The following IFT122 variants were observed in gnomAD, a reference collection of about 807,000 sequenced individuals.
IFT122 encodes intraflagellar transport 122, also known as intraflagellar transport protein 122 homolog.
Under a neutral mutation model 161.6 loss-of-function variants are expected in IFT122, and 118 were observed. The ratio of observed to expected loss-of-function variants is 0.73; its 90% CI spans 0.63 to 0.85. The LOEUF (loss-of-function observed/expected upper bound fraction) is 0.85, where lower values mean the gene tolerates loss of function less well. Ranked by LOEUF, IFT122 falls within the 40% of genes least tolerant of loss-of-function variation. IFT122 has a pLI of 0.00. For missense variants in IFT122, 1,381 were observed against 1,579.6 expected (o/e 0.87, Z 2.13); for synonymous variants, 550 against 602.4 (o/e 0.91, Z 1.27).
At chr3:129,508,823 T>G (rs1045163267) in intron 23 of IFT122, among the ~76,000 whole-genome samples, 2 of 152,168 alleles carry the variant, frequency 1.3e-5, no homozygotes, top group Non-Finnish European at 2.9e-5. Context: ...AGGCAAAATT[T>G]TGAAGTATTG....
chr3:129,463,736 AG>A (rs2076421454), intron 6 of IFT122, 110 bp downstream of exon 6: 3 of 852,412 alleles, frequency 3.5e-6, no homozygotes, highest in Non-Finnish European at 5.9e-6. Flanking sequence ...TAGTTGGTTT[AG>A]GCCCCTGTAT....
rs1164644771 is a variant in IFT122, at chr3:129,504,956, CG to C, written c.2650+538del. ...AGCTTCTATTTCTGGCTCAGATAAA[CG>C]GGTGACTTCTGCTCCTCAAGAATTC... On this transcript the variant is annotated intron_variant, in intron 21 of 29. Coordinates refer to ENST00000348417, the MANE Select transcript of IFT122 (RefSeq NM_052989.3). Among the ~76,000 whole-genome samples, 55 of 152,144 alleles carry C rather than the reference CG, an allele frequency of 3.6e-4. 1 individual carries two copies. Among genetic ancestry groups the C allele is most frequent in the Admixed American group, 3.6e-3 (55 of 15,284 alleles).
At chr3:129,511,655 C>G (rs529551394) in intron 23 of IFT122, among the ~76,000 whole-genome samples, 1 of 152,366 alleles carries the variant, frequency 6.6e-6, no homozygotes, top group Admixed American at 6.5e-5. Context: ...CTGGCAGCCT[C>G]TAGGTACGAA....
At chr3:129,476,220 C>G in intron 9 of IFT122, 95 bp from the exon 10 acceptor site, 11 of 1,348,216 alleles carry the variant, frequency 8.2e-6, no homozygotes, top group Non-Finnish European at 1.1e-5. Context: ...CTTCCCAACT[C>G]CCTCTAAAGT....
chr3:129,469,214 C>T, intron 8 of IFT122, 128 bp from the exon 9 acceptor site: 2 of 801,488 alleles, frequency 2.5e-6, no homozygotes, highest in South Asian at 1.4e-5. Context: ...CTTTTGGCTT[C>T]AGTAAAGCTG....
chr3:129,450,682 G>T (rs890966657), intron 2 of IFT122, among the ~76,000 whole-genome samples: 3 of 147,708 alleles, frequency 2.0e-5, no homozygotes. Context: ...GAAAGTTTCC[G>T]CTTGATTTCT....
At chr3:129,516,529 A>ATG (rs1405751763) in intron 26 of IFT122, among the ~76,000 whole-genome samples, 1 of 140,380 alleles carries the variant, frequency 7.1e-6, no homozygotes, top group Non-Finnish European at 1.5e-5. Context: ...GTGCACACAC[A>ATG]GAGACTGCCC....
chr3:129,475,804 A>AC (rs2108269938), intron 9 of IFT122, among the ~76,000 whole-genome samples: 1 of 152,326 alleles, frequency 6.6e-6, no homozygotes, highest in East Asian at 1.9e-4. Flanking sequence ...ACAGAGTGAG[A>AC]CCCCATCTTG....
intron 3 of IFT122, chr3:129,457,893 G>C: frequency 6.1e-6 from 1 of 163,396 alleles, no homozygotes; most frequent in Non-Finnish European, 1.4e-5. Flanking sequence ...CCGTCACCAG[G>C]CCGGCTAATT....
At chr3:129,485,529 C>T (rs1183375925) in intron 15 of IFT122, among the ~76,000 whole-genome samples, 1 of 152,242 alleles carries the variant, frequency 6.6e-6, no homozygotes, top group African/African-American at 2.4e-5. Flanking sequence ...GCACGAACAG[C>T]TTCTCCTGGA....
intron 3 of IFT122, among the ~76,000 whole-genome samples, chr3:129,455,635 C>T (rs1348894128): frequency 1.3e-5 from 2 of 151,808 alleles, no homozygotes; most frequent in African/African-American, 2.4e-5. Flanking sequence ...TTAGGGGTGC[C>T]ACTGCCTGTG....
At chr3:129,516,820 ACACACACAGAGACTGCCCCTG>A (rs2083845940) in intron 26 of IFT122, among the ~76,000 whole-genome samples, 1 of 139,958 alleles carries the variant, frequency 7.1e-6, no homozygotes, top group African/African-American at 2.7e-5. Flanking sequence ...GCCCCTGCAC[ACACACACAGAGACTGCCCCTG>A]CACACACACA....
At chr3:129,481,371 C>T (rs952105024) in intron 13 of IFT122, 159 bp from the exon 14 acceptor site, 1 of 713,108 alleles carries the variant, frequency 1.4e-6, no homozygotes, top group Non-Finnish European at 2.5e-6. Context: ...TGCCCCCCAC[C>T]CCCCTCTTTC....
At position 129,502,900 on chromosome 3, in the gene IFT122, C is replaced by T. The variant is rs757534122; in HGVS notation, c.2547+18C>T. On this transcript the variant is annotated intron_variant, in intron 20 of 29. Transcript: ENST00000348417. The stretch of plus-strand genomic sequence containing the variant: ...GGGATGAGGTGAGGGGAAAGCAGGC[C>T]TCATGGGCTGGGGCCCCACCTGAGC... 7.5e-6 allele frequency: 12 copies of T among 1,605,826 alleles called. No homozygotes were observed. The African/African-American group carries it at 1.6e-4, about 21-fold the overall frequency.
intron 3 of IFT122, among the ~76,000 whole-genome samples, chr3:129,454,516 TGTGTGTGTGTG>T (rs1559850274): frequency 0.031 from 3,868 of 125,528 alleles, 155 homozygotes; most frequent in African/African-American, 0.11. Flanking sequence ...GTCATATTTG[TGTGTGTGTGTG>T]TGTGTGTGTG....
At chr3:129,504,705 T>C (rs1345920951) in intron 21 of IFT122, among the ~76,000 whole-genome samples, 14 of 152,192 alleles carry the variant, frequency 9.2e-5, no homozygotes, top group African/African-American at 3.4e-4. Context: ...TGCACTGCAG[T>C]GTATCTTCCC....
At chr3:129,471,025 T>C (rs750660601) in intron 9 of IFT122, among the ~76,000 whole-genome samples, 1 of 152,220 alleles carries the variant, frequency 6.6e-6, no homozygotes, top group Non-Finnish European at 1.5e-5. Context: ...GATTAAAATA[T>C]AGAGAGCATG....
intron 7 of IFT122, 118 bp downstream of exon 7, chr3:129,464,899 G>A (rs879352075): frequency 4.5e-5 from 51 of 1,144,612 alleles, no homozygotes; most frequent in Non-Finnish European, 6.3e-5. Context: ...GTCTGTTTTA[G>A]AACCTGTCCC....
In IFT122 at chr3:129,500,042, C is replaced by T; in HGVS notation, c.2349C>T (p.Ile783=). 6.2e-7 allele frequency: 1 copy of T among 1,614,210 alleles called. No homozygotes were observed. Among genetic ancestry groups the T allele is most frequent in the Non-Finnish European group, 8.5e-7 (1 of 1,180,038 alleles). Reference sequence around the variant, plus strand: ...GAGAGCACGTCAAGGCCATCGAGATCTGTGGTGACCATGGCTGGGTTGACA... The same window carrying T: ...GAGAGCACGTCAAGGCCATCGAGATTTGTGGTGACCATGGCTGGGTTGACA... ...SAGEHVKAIE[I]CGDHGWVDML... Residue 783 remains isoleucine, a synonymous_variant, in exon 19 of 30, where the codon ATC becomes ATT. Coordinates refer to ENST00000348417, the MANE Select transcript of IFT122 (RefSeq NM_052989.3).
Sources: gnomAD v4.1 joint callset for allele counts (sites outside exome capture counted in the v4.1 genomes callset) on GRCh38, gnomAD v4.1.1 for gene constraint, MANE v1.5 for transcripts, NCBI Gene and HGNC (gene_info 2026-07-23, HGNC 2026-07-21) for gene names.